Variants in KITLG observed in about 807,000 individuals in gnomAD.
KITLG encodes the protein KIT ligand, also known as c-Kit ligand.
Under a neutral mutation model 34.1 loss-of-function variants are expected in KITLG, and 13 were observed. The ratio of observed to expected loss-of-function variants is 0.38; its 90% CI spans 0.25 to 0.61. The LOEUF (loss-of-function observed/expected upper bound fraction) is 0.61, where lower values mean the gene tolerates loss of function less well. Ranked by LOEUF, KITLG falls within the 20% of genes least tolerant of loss-of-function variation. The pLI is 0.60. For synonymous variants in KITLG, 110 were observed against 104.0 expected (o/e 1.06, Z -0.35); for missense variants, 292 against 318.9 (o/e 0.92, Z 0.64).
chr12:88,558,432 T>C (rs775958960), intron 1 of KITLG, among the ~76,000 whole-genome samples: 5 of 152,036 alleles, frequency 3.3e-5, no homozygotes, highest in Non-Finnish European at 7.4e-5. Flanking sequence ...GCTAGAGACA[T>C]GAGCTCAAAG....
chr12:88,580,369 G>T lies in KITLG; in HGVS notation c.-91C>A, dbSNP rs1871976019. The stretch of plus-strand genomic sequence containing the variant: ...GCTCCAGCATATTGCACGAACAGCG[G>T]CGGCAGATAGTCCACGCATTGGGTA... On this transcript the variant is annotated 5_prime_UTR_variant, in exon 1 of 10. Transcript: ENST00000644744. 6.9e-7 allele frequency: 1 copy of T among 1,455,994 alleles called. No individual in the cohort carries two copies. Among genetic ancestry groups the T allele is most frequent in the South Asian group, 1.2e-5 (1 of 83,808 alleles). The allele number at this position is 1,455,994 out of a possible 1,614,324, so 90.2% of individuals were successfully genotyped here. A position where few individuals can be genotyped will look rare whatever the true frequency, so the allele number is the denominator to read the frequency against.
chr12:88,543,439 A>T (rs1343980406), intron 2 of KITLG, among the ~76,000 whole-genome samples: 14 of 152,048 alleles, frequency 9.2e-5, no homozygotes, highest in Non-Finnish European at 1.9e-4. Context: ...AAGGACATGA[A>T]CTCATCTTTT....
chr12:88,569,667 G>A (rs927149634), intron 1 of KITLG, among the ~76,000 whole-genome samples: 21 of 152,036 alleles, frequency 1.4e-4, no homozygotes, highest in African/African-American at 4.1e-4. Flanking sequence ...AGAGGTTTTC[G>A]TTCTTAGGCA....
chr12:88,531,262 A>C (rs1176340516), intron 3 of KITLG, among the ~76,000 whole-genome samples: 3 of 152,222 alleles, frequency 2.0e-5, no homozygotes, highest in African/African-American at 7.2e-5. Context: ...AATGCTGTCC[A>C]CATTACAAGC....
At chr12:88,513,617 T>G (rs1566020467) in intron 6 of KITLG, among the ~76,000 whole-genome samples, 2 of 151,598 alleles carry the variant, frequency 1.3e-5, no homozygotes, top group Non-Finnish European at 3.0e-5. Context: ...AAAGATTTGC[T>G]CTAATATCAG....
intron 9 of KITLG, among the ~76,000 whole-genome samples, chr12:88,501,568 T>C (rs1868857336): frequency 6.6e-6 from 1 of 152,100 alleles, no homozygotes; most frequent in South Asian, 2.1e-4. Context: ...GGGTTTTCCA[T>C]CTCTGCTGGT....
chr12:88,580,339 C>A lies in KITLG; in HGVS notation c.-61G>T. The A allele has an allele frequency of 6.3e-7, 1 of 1,598,990 alleles. No homozygotes were observed. Among genetic ancestry groups the A allele is most frequent in the Non-Finnish European group, 8.5e-7 (1 of 1,170,314 alleles). ...GGTGTGGCGACTCCGTTTAGCTGTT[C>A]TGGAGCTCCAGCATATTGCACGAAC... On this transcript the variant is annotated 5_prime_UTR_variant, in exon 1 of 10. Coordinates refer to ENST00000644744, the MANE Select transcript of KITLG (RefSeq NM_000899.5).
chr12:88,567,908 T>G (rs1045154582), intron 1 of KITLG, among the ~76,000 whole-genome samples: 1 of 152,212 alleles, frequency 6.6e-6, no homozygotes, highest in Non-Finnish European at 1.5e-5. Context: ...GATTCCAGAT[T>G]TATGAGTCTC....
intron 9 of KITLG, among the ~76,000 whole-genome samples, chr12:88,502,644 C>T (rs1489294671): frequency 6.6e-6 from 1 of 152,142 alleles, no homozygotes. Context: ...TTTAAAATAC[C>T]ATCTTTTTTC....
At chr12:88,519,369 T>C (rs1003857655) in intron 3 of KITLG, among the ~76,000 whole-genome samples, 3 of 152,140 alleles carry the variant, frequency 2.0e-5, no homozygotes, top group Non-Finnish European at 4.4e-5. Context: ...AAAGATCTTT[T>C]AAGTGGAAAC....
intron 3 of KITLG, among the ~76,000 whole-genome samples, chr12:88,531,680 G>A (rs1870097458): frequency 6.6e-6 from 1 of 152,072 alleles, no homozygotes; most frequent in Admixed American, 6.6e-5. Context: ...AGGTAGGTCA[G>A]CTATGAAAAA....
At chr12:88,500,517 C>T (rs1319948722) in intron 9 of KITLG, among the ~76,000 whole-genome samples, 1 of 152,182 alleles carries the variant, frequency 6.6e-6, no homozygotes, top group Non-Finnish European at 1.5e-5. Context: ...TCCATCAATG[C>T]ACCTGCTAGA....
intron 6 of KITLG, among the ~76,000 whole-genome samples, chr12:88,509,066 T>C (rs1003007522): frequency 1.3e-5 from 2 of 152,212 alleles, no homozygotes; most frequent in Non-Finnish European, 2.9e-5. Context: ...ATTGCTGGTA[T>C]GTAATTACAA....
intron 1 of KITLG, among the ~76,000 whole-genome samples, chr12:88,562,780 T>C (rs1367359997): frequency 1.3e-5 from 2 of 152,132 alleles, no homozygotes; most frequent in Admixed American, 6.5e-5. Context: ...AGGGACAACG[T>C]AAATAGACAA....
intron 2 of KITLG, among the ~76,000 whole-genome samples, chr12:88,535,885 C>T (rs1359239044): frequency 1.3e-5 from 2 of 152,056 alleles, no homozygotes; most frequent in Non-Finnish European, 2.9e-5. Context: ...CTATTCAACA[C>T]ATACAAAAAT....
intron 1 of KITLG, among the ~76,000 whole-genome samples, chr12:88,561,863 G>A (rs1871308290): frequency 6.6e-6 from 1 of 152,146 alleles, no homozygotes; most frequent in Non-Finnish European, 1.5e-5. Context: ...CTTTGCCAAT[G>A]GCAAGTTGTT....
At chr12:88,541,165 T>G (rs1363526826) in intron 2 of KITLG, among the ~76,000 whole-genome samples, 1 of 152,172 alleles carries the variant, frequency 6.6e-6, no homozygotes, top group Non-Finnish European at 1.5e-5. Flanking sequence ...GAGGATATTT[T>G]TATAATCTCT....
chr12:88,556,218 C>CAAAAAAAAAAAA (rs5799868), intron 1 of KITLG, among the ~76,000 whole-genome samples: 1 of 125,036 alleles, frequency 8.0e-6, no homozygotes, highest in African/African-American at 3.5e-5. Context: ...AAAGAATAAG[C>CAAAAAAAAAAAA]AAAAAAAAAA....
rs1355759000 is a variant in KITLG, at chr12:88,570,534, C to CA, written c.15+9729dup. Among the ~76,000 whole-genome samples the CA allele has an allele frequency of 2.1e-3, 114 of 55,432 alleles. 1 individual carries two copies. Among genetic ancestry groups the CA allele is most frequent in the Admixed American group, 7.1e-3 (25 of 3,534 alleles). The allele number at this position is 55,432 out of a possible 152,430, so 36.4% of individuals were successfully genotyped here. ...AATAAATTAGAAAAAACAACAACAA[C>CA]AACAAAAAAAAAACAAAGAAGTTCA... On this transcript the variant is annotated intron_variant, in intron 1 of 9. Transcript: ENST00000644744.
Sources: allele counts gnomAD v4.1 joint callset (sites outside exome capture counted in the v4.1 genomes callset), GRCh38; gene constraint gnomAD v4.1.1; transcripts MANE v1.5; gene names NCBI Gene and HGNC (gene_info 2026-07-23, HGNC 2026-07-21).